The following WDCP variants were observed in gnomAD, a reference collection of about 807,000 sequenced individuals.
WDCP encodes WD repeat and coiled-coil-containing protein.
A neutral mutation model predicts 41.6 loss-of-function variants in WDCP; 19 were observed. The observed-to-expected ratio is 0.46, with a 90% CI of 0.32 to 0.67. The LOEUF is 0.67. WDCP is among the 30% of genes least tolerant of loss of function. The pLI is 0.04. For synonymous variants in WDCP, 302 were observed against 320.8 expected, an observed-to-expected ratio of 0.94 and a Z score of 0.63; for missense variants, 802 against 850.7, an observed-to-expected ratio of 0.94 and a Z score of 0.71.
chr2:24,037,833 A>C lies in WDCP; in HGVS notation c.1662T>G (p.Thr554=), dbSNP rs1263654408. 6.2e-7 allele frequency: 1 copy of C among 1,614,192 alleles called. No individual in the cohort carries two copies. The highest frequency in any genetic ancestry group is 1.7e-5 in the Admixed American group (1 of 60,018). ...QRKNLQSEKE[T]YQLSKEVEIL... ...TTTCCACTTCCTTAGACAGCTGATA[A>C]GTTTCCTTTTCACTTTGTAAGTTCT... Residue 554 remains threonine (T), a synonymous_variant, in exon 2 of 4, where the codon ACT becomes ACG. Transcript: ENST00000295148.
chr2:24,035,027 G>T (rs1573656243), intron 2 of WDCP, among the ~76,000 whole-genome samples: 1 of 150,620 alleles, frequency 6.6e-6, no homozygotes. Context: ...GATTTTTTTT[G>T]GATTAGATAA....
At chr2:24,032,992 C>G (rs10179142) in intron 2 of WDCP, 46 bp from the exon 3 acceptor site, 1,168,295 of 1,168,476 alleles carry the variant, frequency 1, 584,057 homozygotes, top group Middle Eastern at 1. Flanking sequence ...CAGAAGTAAT[C>G]GAGTTAACAT....
chr2:24,042,033 G>C (rs551191017), intron 1 of WDCP, among the ~76,000 whole-genome samples: 5 of 152,072 alleles, frequency 3.3e-5, no homozygotes, highest in Non-Finnish European at 7.4e-5. Flanking sequence ...CTATCAATCA[G>C]TGGATACATA....
chr2:24,037,769 A>G lies in WDCP; in HGVS notation c.1726T>C (p.Ser576Pro), dbSNP rs1026024389. The change falls in exon 2 of 4, where the codon TCT (serine) becomes CCT (proline). Residue 576 changes from serine to proline, a missense_variant. Physicochemically the swap from Ser to Pro is moderately conservative, Grantham distance 74 (BLOSUM62 -1). Around this residue, in one of 5 missense-constraint regions of WDCP, gnomAD observed 321 missense variants for 305.1 expected, o/e 1.05. Coordinates refer to ENST00000295148, the MANE Select transcript of WDCP (RefSeq NM_025203.3). ...RNLVEMQRCL[S>P]ELTNRLHNGK... ...TTATGCAGACGGTTTGTAAGTTCAG[A>G]AAGACACCGTTGCATTTCAACCAGG... 6.2e-7 allele frequency: 1 copy of G among 1,614,250 alleles called. No homozygotes were observed. The highest frequency in any genetic ancestry group is 8.5e-7 in the Non-Finnish European group (1 of 1,180,034).
In WDCP at chr2:24,042,184, G is replaced by C. The variant is rs377299840; in HGVS notation, c.-18-2672C>G. On this transcript the variant is annotated intron_variant, in intron 1 of 3. Coordinates refer to ENST00000295148, the MANE Select transcript of WDCP (RefSeq NM_025203.3). ...TGGGAGCCCGAGAAGGGCAGATCAC[G>C]TGAGGTCAGGAGCTCAAAACCAGCC... Among the ~76,000 whole-genome samples the C allele has an allele frequency of 2.6e-5, 4 of 151,910 alleles. No individual in the cohort carries two copies. The East Asian group carries it at 5.9e-4, about 22-fold the overall frequency.
In WDCP at chr2:24,038,605, C is replaced by T. The variant is rs1558334768; in HGVS notation, c.890G>A (p.Gly297Asp). 1 of 1,614,028 alleles carries T rather than the reference C, an allele frequency of 6.2e-7. No homozygotes were observed. Residue 297 changes from glycine (G) to aspartate (D), a missense_variant, in exon 2 of 4, where the codon GGT becomes GAT. Transcript: ENST00000295148. Reference protein sequence around the residue: ...HIHFNQHKSEGNSLICLRKKD... With the variant: ...HIHFNQHKSEDNSLICLRKKD... Reference sequence around the variant, plus strand: ...TTTTCTTAGACAAATAAGAGAATTACCCTCAGACTTATGTTGATTGAAATG... The same window carrying T: ...TTTTCTTAGACAAATAAGAGAATTATCCTCAGACTTATGTTGATTGAAATG...
chr2:24,044,514 G>A (rs1663551305), intron 1 of WDCP, among the ~76,000 whole-genome samples: 1 of 152,094 alleles, frequency 6.6e-6, no homozygotes, highest in African/African-American at 2.4e-5. Context: ...TGATCCTCCT[G>A]CCTTGGCCTC....
intron 1 of WDCP, among the ~76,000 whole-genome samples, chr2:24,044,293 A>G (rs1558337848): frequency 6.6e-6 from 1 of 151,810 alleles, no homozygotes; most frequent in Non-Finnish European, 1.5e-5. Flanking sequence ...GCGTGGGGGC[A>G]CAGTCTTGCT....
chr2:24,045,643 A>G (rs1573671319), intron 1 of WDCP, among the ~76,000 whole-genome samples: 1 of 135,726 alleles, frequency 7.4e-6, no homozygotes, highest in East Asian at 2.5e-4. Context: ...GGAAGGAAGG[A>G]AGGAAGGAAG....
At position 24,038,937 on chromosome 2, in the gene WDCP, G is replaced by A. The variant is rs151169389; in HGVS notation, c.558C>T (p.Ser186=). 5.6e-5 allele frequency: 90 copies of A among 1,614,056 alleles called. No individual in the cohort carries two copies. Among genetic ancestry groups the A allele is most frequent in the African/African-American group, 2.1e-4 (16 of 74,914 alleles). ...AGCACCTGTGAAGAGTCTTCTGAGC[G>A]CTGTCCCAAATATAAGAATGCAGGC... ...GSSLHSYIWD[S]AQKTLHRCSS... The change falls in exon 2 of 4, where the codon AGC becomes AGT. Residue 186 remains serine (S), a synonymous_variant. Coordinates refer to ENST00000295148, the MANE Select transcript of WDCP (RefSeq NM_025203.3).
In WDCP at chr2:24,039,110, TC is replaced by T; in HGVS notation, c.384del (p.Thr129LeufsTer3). 1 of 1,614,118 alleles carries T rather than the reference TC, an allele frequency of 6.2e-7. No homozygotes were observed. Among genetic ancestry groups the T allele is most frequent in the Non-Finnish European group, 8.5e-7 (1 of 1,180,014 alleles). On this transcript the variant is annotated frameshift_variant, in exon 2 of 4. Coordinates refer to ENST00000295148, the MANE Select transcript of WDCP (RefSeq NM_025203.3). LOFTEE classifies it high-confidence loss of function. ...GAGACATCCTGAGCAGTCAACACAG[TC>T]AGAATAGCACATTTTGGGTGCCACA... ...GCVWHPKCAI[L>X]TVLTAQDVSI...
chr2:24,047,098 C>A (rs1663649908), intron 1 of WDCP, among the ~76,000 whole-genome samples: 1 of 152,090 alleles, frequency 6.6e-6, no homozygotes, highest in Non-Finnish European at 1.5e-5. Flanking sequence ...GTGTTATTCA[C>A]GAGTCACGGT....
At chr2:24,044,414 C>T (rs1440561410) in intron 1 of WDCP, among the ~76,000 whole-genome samples, 1 of 151,952 alleles carries the variant, frequency 6.6e-6, no homozygotes, top group Non-Finnish European at 1.5e-5. Flanking sequence ...GGATAGGGGC[C>T]CACCACCATG....
chr2:24,039,555 A>G lies in WDCP; in HGVS notation c.-18-43T>C, dbSNP rs529719261. The G allele has an allele frequency of 3.3e-5, 51 of 1,553,806 alleles. No homozygotes were observed. The African/African-American group carries it at 4.6e-4, about 14-fold the overall frequency. ...GAAAGTTACACCATGAGAAATCTAG[A>G]CAAATCTAGAATGTAGGACATTTGG... On this transcript the variant is annotated intron_variant, in intron 1 of 3. Coordinates refer to ENST00000295148, the MANE Select transcript of WDCP (RefSeq NM_025203.3).
intron 2 of WDCP, among the ~76,000 whole-genome samples, chr2:24,034,883 T>C (rs1558332502): frequency 1.3e-5 from 2 of 152,226 alleles, no homozygotes; most frequent in South Asian, 4.1e-4. Flanking sequence ...CCAAACATGG[T>C]TGTTTTAACC....
intron 3 of WDCP, among the ~76,000 whole-genome samples, chr2:24,032,139 A>C (rs936413203): frequency 1.3e-5 from 2 of 152,224 alleles, no homozygotes; most frequent in Non-Finnish European, 2.9e-5. Context: ...TGGGAGGCCA[A>C]GGTGGACGGA....
intron 1 of WDCP, among the ~76,000 whole-genome samples, chr2:24,046,110 T>C (rs1266310951): frequency 6.6e-6 from 1 of 150,480 alleles, no homozygotes; most frequent in Admixed American, 6.6e-5. Flanking sequence ...TGAGACCCTG[T>C]TGGGGAGGTG....
At position 24,032,954 on chromosome 2, in the gene WDCP, T is replaced by C; in HGVS notation, c.1819-8A>G. On this transcript the variant is annotated splice_region_variant and splice_polypyrimidine_tract_variant and intron_variant, in intron 2 of 3. Transcript: ENST00000295148. ...ACCTAGATAATAAGGTTTCTGCAAA[T>C]AAAAAATAAAAGTTGTTAAACTGAT... 6.6e-7 allele frequency: 1 copy of C among 1,517,852 alleles called. No individual in the cohort carries two copies. Among genetic ancestry groups the C allele is most frequent in the Non-Finnish European group, 9.1e-7 (1 of 1,093,994 alleles). The allele number at this position is 1,517,852 out of a possible 1,614,324, so 94.0% of individuals were successfully genotyped here. A position where few individuals can be genotyped will look rare whatever the true frequency, so the allele number is the denominator to read the frequency against.
At chr2:24,046,515 C>T (rs368306713) in intron 1 of WDCP, among the ~76,000 whole-genome samples, 1 of 152,158 alleles carries the variant, frequency 6.6e-6, no homozygotes, top group African/African-American at 2.4e-5. Context: ...AAACTAAGAG[C>T]CGGTGCTCAG....
Sources: allele counts gnomAD v4.1 joint callset (sites outside exome capture counted in the v4.1 genomes callset), GRCh38; gene constraint gnomAD v4.1.1; regional missense constraint gnomAD v4.1.1; transcripts MANE v1.5; gene names NCBI Gene and HGNC (gene_info 2026-07-23, HGNC 2026-07-21).